PPP6R2: variants seen among roughly 807,000 people sequenced by gnomAD.
The protein encoded by PPP6R2 is protein phosphatase 6 regulatory subunit 2.
A neutral mutation model predicts 100.2 loss-of-function variants in PPP6R2; 62 were observed. That is an observed-to-expected ratio of 0.62 (90% CI 0.50 to 0.76). The LOEUF is 0.76. PPP6R2 is among the 30% of genes least tolerant of loss of function. The pLI is 0.00. For missense variants in PPP6R2, 1,142 were observed against 1,276.3 expected, an observed-to-expected ratio of 0.89 and a Z score of 1.60; for synonymous variants, 525 against 514.7, an observed-to-expected ratio of 1.02 and a Z score of -0.27.
At chr22:50,410,058 T>G (rs556534676) in intron 4 of PPP6R2, among the ~76,000 whole-genome samples, 53 of 152,276 alleles carry the variant, frequency 3.5e-4, no homozygotes, top group Admixed American at 7.9e-4. Context: ...TTTTTTTTCT[T>G]TTCTATTTTT....
At chr22:50,339,963 TGTG>T (rs1355307191), upstream of PPP6R2, among the ~76,000 whole-genome samples, 6 of 131,968 alleles carry the variant, frequency 4.5e-5, no homozygotes, top group East Asian at 2.4e-4. Context: ...GTGTGTGTGT[TGTG>T]TGGTGTGTGT....
At chr22:50,337,943 T>TGGTGC in the PPP6R2 span, among the ~76,000 whole-genome samples, 9 of 125,100 alleles carry the variant, frequency 7.2e-5, no homozygotes, top group African/African-American at 2.5e-4. Context: ...TGTGCATGTG[T>TGGTGC]GTGTGATGTG....
At chr22:50,332,684 C>T in the PPP6R2 span, among the ~76,000 whole-genome samples, 14 of 146,664 alleles carry the variant, frequency 9.5e-5, no homozygotes, top group Non-Finnish European at 3.0e-5. Flanking sequence ...AGTGCAATGG[C>T]GTGATCTTGG....
At chr22:50,414,331 G>GGGCCCCCCCC (rs2060189395) in intron 4 of PPP6R2, among the ~76,000 whole-genome samples, 1 of 26,776 alleles carries the variant, frequency 3.7e-5, no homozygotes, top group African/African-American at 8.4e-5. Context: ...CTGTGCAGTG[G>GGGCCCCCCCC]CCCCCCCCCC....
At position 50,444,180 on chromosome 22, in the gene PPP6R2, C is replaced by G; in HGVS notation, c.2832-19C>G. The G allele has an allele frequency of 6.2e-7, 1 of 1,612,820 alleles. No individual in the cohort carries two copies. On this transcript the variant is annotated intron_variant, in intron 23 of 23. Coordinates refer to ENST00000612753, the MANE Select transcript of PPP6R2 (RefSeq NM_001242898.2). The stretch of plus-strand genomic sequence containing the variant: ...GGGCCCGCAGCCCGCACGGTTCCAA[C>G]CCCACCCCATTCCTGCAGGAAGACA...
chr22:50,415,893 T>G (rs531802922), intron 5 of PPP6R2, among the ~76,000 whole-genome samples, 199 bp from the exon 6 acceptor site: 3 of 152,360 alleles, frequency 2.0e-5, no homozygotes, highest in African/African-American at 7.2e-5. Flanking sequence ...GGTCATCCTT[T>G]ATCATCTTTT....
At chr22:50,442,771 C>T (rs995403100) in intron 22 of PPP6R2, among the ~76,000 whole-genome samples, 7 of 151,722 alleles carry the variant, frequency 4.6e-5, no homozygotes, top group Non-Finnish European at 5.9e-5. Context: ...CCAGTATGGT[C>T]TCGATCTCCT....
chr22:50,438,577 T>C, intron 18 of PPP6R2, 22 bp from the exon 19 acceptor site: 1 of 1,612,722 alleles, frequency 6.2e-7, no homozygotes, highest in Non-Finnish European at 8.5e-7. Flanking sequence ...CCACCAGACA[T>C]CTGACTCTGA....
chr22:50,442,106 G>A (rs978029323), intron 22 of PPP6R2, among the ~76,000 whole-genome samples: 4 of 152,174 alleles, frequency 2.6e-5, no homozygotes, highest in Non-Finnish European at 5.9e-5. Flanking sequence ...GGCCTGCCTG[G>A]AGCGGGGTGA....
intron 11 of PPP6R2, 26 bp from the exon 12 acceptor site, chr22:50,432,239 C>G (rs1162834571): frequency 1.9e-6 from 3 of 1,545,998 alleles, no homozygotes; most frequent in Admixed American, 2.0e-5. Context: ...CCCTGACTCA[C>G]GCTGTCCCCC....
At chr22:50,430,155 A>G (rs996238959) in intron 10 of PPP6R2, among the ~76,000 whole-genome samples, 1 of 152,234 alleles carries the variant, frequency 6.6e-6, no homozygotes, top group Non-Finnish European at 1.5e-5. Flanking sequence ...CTCATCTGGA[A>G]GAAGCTACAT....
At chr22:50,443,746 G>A in intron 22 of PPP6R2, 120 bp from the exon 23 acceptor site, 1 of 1,371,766 alleles carries the variant, frequency 7.3e-7, no homozygotes, top group Non-Finnish European at 9.8e-7. Flanking sequence ...GGAGTGAGAG[G>A]GGCCAAAGAT....
chr22:50,444,150 G>C, intron 23 of PPP6R2, 33 bp downstream of exon 23: 1 of 1,612,246 alleles, frequency 6.2e-7, no homozygotes, highest in South Asian at 1.1e-5. Context: ...TAGGGGGTGT[G>C]GACAGGGCCC....
intron 7 of PPP6R2, 123 bp downstream of exon 7, chr22:50,419,102 C>G: frequency 1.2e-6 from 1 of 848,822 alleles, no homozygotes; most frequent in South Asian, 1.6e-5. Flanking sequence ...CGAATGAACC[C>G]CAGGTTCAGA....
Position 50,418,958 on chromosome 22 carries a change from C to T in PPP6R2, c.710C>T (p.Pro237Leu), listed in dbSNP as rs770365398. ...SQLQEALEPD[P>L]LLTALESQDC... ...CTGCAAGAGGCTCTGGAGCCAGACC[C>T]GCTCCTCACAGCGCTGGAGTCGTGA... is the stretch of plus-strand genomic sequence containing the variant. The change falls in exon 7 of 24, where the codon CCG (proline) becomes CTG (leucine). Residue 237 changes from proline to leucine, a missense_variant. Transcript: ENST00000612753. 15 of 1,613,458 alleles carry T rather than the reference C, an allele frequency of 9.3e-6. No homozygotes were observed. The highest frequency in any genetic ancestry group is 6.7e-5 in the Admixed American group (4 of 60,006).
At chr22:50,332,208 A>G in the PPP6R2 span, among the ~76,000 whole-genome samples, 2 of 151,572 alleles carry the variant, frequency 1.3e-5, no homozygotes, top group South Asian at 2.1e-4. Flanking sequence ...GTCAAATAAT[A>G]CTTTTTATGT....
chr22:50,372,560 A>T (rs2050459440), intron 2 of PPP6R2, among the ~76,000 whole-genome samples: 1 of 152,122 alleles, frequency 6.6e-6, no homozygotes, highest in African/African-American at 2.4e-5. Context: ...AAACAAAACA[A>T]AACAAAACAA....
In PPP6R2 at chr22:50,437,814, C is replaced by T. The variant is rs151291667; in HGVS notation, c.1782-29C>T. The T allele has an allele frequency of 8.1e-3, 12,620 of 1,551,224 alleles. 68 individuals carry two copies. Among genetic ancestry groups the T allele is most frequent in the Non-Finnish European group, 9.8e-3 (11,246 of 1,146,678 alleles). ...CAGATGAGCAGTGGGCCTGGAGGAA[C>T]GCTGAAGCCATCCCCCTTGCTCTTG... On this transcript the variant is annotated intron_variant, in intron 16 of 23. Transcript: ENST00000612753.
chr22:50,352,693 C>G (rs1028667905), intron 1 of PPP6R2, among the ~76,000 whole-genome samples: 6 of 151,566 alleles, frequency 4.0e-5, no homozygotes, highest in African/African-American at 1.5e-4. Flanking sequence ...CCACTGCACT[C>G]CAGCCTGGTG....
Sources: gnomAD v4.1 joint callset for allele counts (sites outside exome capture counted in the v4.1 genomes callset) on GRCh38, gnomAD v4.1.1 for gene constraint, MANE v1.5 for transcripts, NCBI Gene and HGNC (gene_info 2026-07-23, HGNC 2026-07-21) for gene names.